SV2C: variants seen among roughly 807,000 people sequenced by gnomAD.
SV2C encodes the protein solute carrier family 22 member B3.
SV2C carries 49 observed loss-of-function variants against 79.7 expected under a neutral mutation model. The ratio of observed to expected loss-of-function variants is 0.61; its 90% CI spans 0.49 to 0.78. The LOEUF is 0.78. SV2C is among the 30% of genes least tolerant of loss of function. SV2C has a pLI of 0.00. For synonymous variants in SV2C, 334 were observed against 333.2 expected (o/e 1.00, Z -0.03); for missense variants, 833 against 912.9 (o/e 0.91, Z 1.13).
chr5:76,218,304 A>T (rs956939269), intron 4 of SV2C, among the ~76,000 whole-genome samples: 2 of 152,238 alleles, frequency 1.3e-5, no homozygotes, highest in Non-Finnish European at 2.9e-5. Flanking sequence ...ACACATGCAC[A>T]TGTATGTTTA....
At chr5:76,069,883 C>T in the SV2C span, among the ~76,000 whole-genome samples, 3 of 142,920 alleles carry the variant, frequency 2.1e-5, no homozygotes, top group African/African-American at 5.0e-5. Context: ...CACACCCTTT[C>T]GTGGCCTAAG....
the SV2C span, among the ~76,000 whole-genome samples, chr5:75,897,150 A>G: frequency 1.2e-3 from 173 of 150,340 alleles, 1 homozygote; most frequent in African/African-American, 3.8e-3. Flanking sequence ...GCCCATGCCT[A>G]TGTCCTGAAT....
At chr5:76,166,048 G>A (rs13186671) in intron 2 of SV2C, among the ~76,000 whole-genome samples, 15,098 of 152,166 alleles carry the variant, frequency 0.099, 918 homozygotes, top group Non-Finnish European at 0.13. Context: ...TGTTCCCTCC[G>A]CCTGTCCCTG....
chr5:76,143,116 G>A (rs1040315874), intron 2 of SV2C, among the ~76,000 whole-genome samples: 1 of 151,992 alleles, frequency 6.6e-6, no homozygotes. Context: ...GGATGGTCTC[G>A]ATATCCTGAC....
At chr5:75,904,766 C>A in the SV2C span, among the ~76,000 whole-genome samples, 1 of 152,154 alleles carries the variant, frequency 6.6e-6, no homozygotes, top group Non-Finnish European at 1.5e-5. Flanking sequence ...GTCTACAATG[C>A]GAAAACTGAC....
the SV2C span, among the ~76,000 whole-genome samples, chr5:75,889,968 C>G: frequency 7.2e-5 from 11 of 152,090 alleles, no homozygotes; most frequent in South Asian, 2.3e-3. Flanking sequence ...ATTTCAGTCA[C>G]CCTAATTTTG....
intron 12 of SV2C, among the ~76,000 whole-genome samples, chr5:76,317,174 T>C (rs1748654275): frequency 6.6e-6 from 1 of 152,210 alleles, no homozygotes; most frequent in African/African-American, 2.4e-5. Context: ...ACAAAAGTTC[T>C]TTTAGGCTAA....
chr5:75,992,281 G>A, the SV2C span, among the ~76,000 whole-genome samples: 1 of 152,026 alleles, frequency 6.6e-6, no homozygotes, highest in South Asian at 2.1e-4. Flanking sequence ...AGCAGGATAA[G>A]CCTTTTTATA....
In SV2C at chr5:76,132,063, A is replaced by T. The variant is rs1405496873; in HGVS notation, c.313A>T (p.Ser105Cys). 1 of 1,612,110 alleles carries T rather than the reference A, an allele frequency of 6.2e-7. No individual in the cohort carries two copies. The highest frequency in any genetic ancestry group is 1.7e-5 in the Admixed American group (1 of 59,922). The change falls in exon 2 of 13, where the codon AGC becomes TGC. Residue 105 changes from serine (S) to cysteine (C), a missense_variant. Coordinates refer to ENST00000502798, the MANE Select transcript of SV2C (RefSeq NM_014979.4). ...GIPSMNQAKD[S>C]IVSVGQPKGD... The stretch of plus-strand genomic sequence containing the variant: ...CCCCAGTATGAACCAAGCGAAGGAC[A>T]GCATCGTGTCAGTGGGGCAGCCCAA...
At chr5:76,185,821 T>G (rs1257496856) in intron 2 of SV2C, among the ~76,000 whole-genome samples, 2 of 152,230 alleles carry the variant, frequency 1.3e-5, no homozygotes, top group Admixed American at 6.5e-5. Flanking sequence ...TGGAGAAATC[T>G]CCATTGAATT....
the SV2C span, among the ~76,000 whole-genome samples, chr5:75,992,114 C>T: frequency 6.6e-6 from 1 of 151,844 alleles, no homozygotes; most frequent in African/African-American, 2.4e-5. Context: ...GAAAAATTGA[C>T]ATGTTTATAA....
At chr5:75,917,046 GC>G in the SV2C span, among the ~76,000 whole-genome samples, 1 of 152,184 alleles carries the variant, frequency 6.6e-6, no homozygotes, top group Non-Finnish European at 1.5e-5. Context: ...AACAGGACTT[GC>G]TTGGTAACAC....
chr5:76,021,651 G>A, the SV2C span, among the ~76,000 whole-genome samples: 1 of 152,178 alleles, frequency 6.6e-6, no homozygotes, highest in East Asian at 1.9e-4. Context: ...TCCTTTAGGT[G>A]TTTATCCAGT....
chr5:76,164,395 T>C (rs542342033), intron 2 of SV2C, among the ~76,000 whole-genome samples: 1 of 152,252 alleles, frequency 6.6e-6, no homozygotes, highest in East Asian at 1.9e-4. Flanking sequence ...CAGAAAGAAA[T>C]TTACGAGCTC....
intron 12 of SV2C, among the ~76,000 whole-genome samples, chr5:76,309,284 G>A (rs1474823742): frequency 6.6e-6 from 1 of 152,046 alleles, no homozygotes; most frequent in African/African-American, 2.4e-5. Context: ...AAGAAGGCAG[G>A]GAGGCTGGTT....
At chr5:76,337,682 C>A (rs1179879291), downstream of SV2C, among the ~76,000 whole-genome samples, 4 of 152,108 alleles carry the variant, frequency 2.6e-5, no homozygotes, top group Non-Finnish European at 4.4e-5. Context: ...TAAAGACAGG[C>A]TGAGGAACAA....
In SV2C at chr5:76,189,699, A is replaced by G. The variant is rs184660188; in HGVS notation, c.581-5220A>G. Among the ~76,000 whole-genome samples the G allele has an allele frequency of 1.1e-3, 172 of 152,270 alleles. 1 individual carries two copies. The highest frequency in any genetic ancestry group is 2.0e-3 in the Admixed American group (31 of 15,296). Reference sequence around the variant, plus strand: ...TCCCCATTGTTTTCTTTGCATCACTACAGTCATTCTGCAGCTTTGATTTTT... The same window carrying G: ...TCCCCATTGTTTTCTTTGCATCACTGCAGTCATTCTGCAGCTTTGATTTTT... On this transcript the variant is annotated intron_variant, in intron 2 of 12. Transcript: ENST00000502798.
chr5:75,919,729 A>G, the SV2C span, among the ~76,000 whole-genome samples: 4 of 152,348 alleles, frequency 2.6e-5, no homozygotes, highest in African/African-American at 7.2e-5. Flanking sequence ...GTTCTTTCTT[A>G]GTAGGTAAAC....
chr5:76,126,488 C>A (rs1413759261), intron 1 of SV2C, among the ~76,000 whole-genome samples: 1 of 152,176 alleles, frequency 6.6e-6, no homozygotes. Context: ...CTCAACCCCA[C>A]CCCACTCCAG....
Sources: allele counts gnomAD v4.1 joint callset (sites outside exome capture counted in the v4.1 genomes callset), GRCh38; gene constraint gnomAD v4.1.1; transcripts MANE v1.5; gene names NCBI Gene and HGNC (gene_info 2026-07-23, HGNC 2026-07-21).